MUC13: variants seen among roughly 807,000 people sequenced by gnomAD.
MUC13 encodes mucin-13.
In MUC13, 32 loss-of-function variants were observed where a neutral mutation model predicts 48.3. The ratio of observed to expected loss-of-function variants is 0.66; its 90% CI spans 0.50 to 0.89. The LOEUF (loss-of-function observed/expected upper bound fraction) is 0.89, where lower values mean the gene tolerates loss of function less well. MUC13 is among the 40% of genes least tolerant of loss of function. The pLI is 0.00. For missense variants in MUC13, 571 were observed against 622.8 expected, an observed-to-expected ratio of 0.92 and a Z score of 0.88; for synonymous variants, 199 against 224.9, an observed-to-expected ratio of 0.88 and a Z score of 1.03.
intron 1 of MUC13, among the ~76,000 whole-genome samples, chr3:124,934,435 C>T (rs11706677): frequency 0.18 from 26,942 of 152,204 alleles, 2,467 homozygotes; most frequent in Middle Eastern, 0.26. Flanking sequence ...GCTGAGATTA[C>T]AGGCGTGAGC....
intron 4 of MUC13, 139 bp downstream of exon 4, chr3:124,922,058 C>A (rs1005053081): frequency 2.0e-6 from 2 of 982,978 alleles, no homozygotes; most frequent in African/African-American, 1.7e-5. Context: ...TGTTTACCGA[C>A]CAGTAAAGGT....
chr3:124,922,333 A>G (rs754749872), intron 3 of MUC13, 30 bp from the exon 4 acceptor site: 94 of 1,602,204 alleles, frequency 5.9e-5, no homozygotes, highest in Non-Finnish European at 7.5e-5. Context: ...TTTCTGTACT[A>G]TTTGATGAAA....
At chr3:124,911,465 G>T (rs1176497980) in intron 9 of MUC13, among the ~76,000 whole-genome samples, 1 of 152,208 alleles carries the variant, frequency 6.6e-6, no homozygotes, top group Non-Finnish European at 1.5e-5. Context: ...CAGTAGAAAT[G>T]GAGAATGTCA....
At chr3:124,916,510 G>A (rs1305830516) in intron 5 of MUC13, 30 bp from the exon 6 acceptor site, 2 of 1,578,948 alleles carry the variant, frequency 1.3e-6, no homozygotes, top group East Asian at 2.3e-5. Flanking sequence ...GTCACTTAAT[G>A]AATTGAACTG....
At chr3:124,913,733 G>T (rs770769504) in intron 6 of MUC13, 52 bp from the exon 7 acceptor site, 1 of 1,607,480 alleles carries the variant, frequency 6.2e-7, no homozygotes, top group South Asian at 1.1e-5. Flanking sequence ...ATATGGATAA[G>T]GTAATTTGTG....
At chr3:124,931,500 C>G (rs1262707330) in intron 1 of MUC13, among the ~76,000 whole-genome samples, 1 of 143,080 alleles carries the variant, frequency 7.0e-6, no homozygotes, top group Non-Finnish European at 1.5e-5. Flanking sequence ...GTAATCCCAG[C>G]AGTTTGGGAG....
Position 124,927,835 on chromosome 3 carries a change from G to C in MUC13, c.211C>G (p.Pro71Ala), listed in dbSNP as rs150770714. 1,487 of 1,613,974 alleles carry C rather than the reference G, an allele frequency of 9.2e-4. 13 individuals are homozygous for C. The highest frequency in any genetic ancestry group is 2.2e-4 in the East Asian group (10 of 44,878). The part of the protein sequence containing the change: ...PSFPTATSPA[P>A]PIISTHSSST... ...GAACTATGTGTACTAATTATGGGGGGAGCAGGTGAAGTAGCTGTTGGGAAA... is the reference window on the plus strand; with the variant it reads ...GAACTATGTGTACTAATTATGGGGGCAGCAGGTGAAGTAGCTGTTGGGAAA... The change falls in exon 2 of 12, where the codon CCC (proline) becomes GCC (alanine). Residue 71 changes from proline to alanine, a missense_variant. By Grantham distance (27) the Pro-to-Ala change is conservative (BLOSUM62 -1). Transcript: ENST00000616727.
rs779457347 is a variant in MUC13 at position 124,927,728 on chromosome 3, ACTGT to A, written c.314_317del (p.Asp105ValfsTer7). 6 of 1,614,090 alleles carry A rather than the reference ACTGT, an allele frequency of 3.7e-6. No individual in the cohort carries two copies. The African/African-American group carries it at 5.3e-5, about 14-fold the overall frequency. On this transcript the variant is annotated frameshift_variant, in exon 2 of 12. Transcript: ENST00000616727. LOFTEE classifies it high-confidence loss of function. Reference sequence around the variant, plus strand: ...ATGAATTTACATTTGTGGTTGACTCACTGTCTGCAGCAGTAGGTATAGGAATTGT... The same window carrying A: ...ATGAATTTACATTTGTGGTTGACTCACTGCAGCAGTAGGTATAGGAATTGT...
chr3:124,928,189 T>C (rs1487243222), intron 1 of MUC13, among the ~76,000 whole-genome samples, 196 bp from the exon 2 acceptor site: 4 of 151,688 alleles, frequency 2.6e-5, no homozygotes, highest in African/African-American at 9.7e-5. Context: ...GTGCTGAGAT[T>C]ATAGGTATGA....
At chr3:124,933,907 T>C (rs1013133679) in intron 1 of MUC13, among the ~76,000 whole-genome samples, 2 of 152,234 alleles carry the variant, frequency 1.3e-5, no homozygotes, top group Non-Finnish European at 2.9e-5. Context: ...GAACCCTTCC[T>C]AACTCAGAAC....
At chr3:124,932,545 G>A (rs1439344575) in intron 1 of MUC13, among the ~76,000 whole-genome samples, 3 of 150,322 alleles carry the variant, frequency 2.0e-5, no homozygotes, top group Non-Finnish European at 3.0e-5. Flanking sequence ...CAGCCTGGGC[G>A]ACAAGAGTGA....
intron 5 of MUC13, 53 bp downstream of exon 5, chr3:124,920,181 C>T (rs1266817245): frequency 2.7e-5 from 40 of 1,486,398 alleles, no homozygotes; most frequent in Middle Eastern, 1.7e-4. Context: ...AAGAGAAGCT[C>T]GGAAGTTAGA....
chr3:124,914,933 A>C (rs889262904), intron 6 of MUC13, among the ~76,000 whole-genome samples: 4 of 152,154 alleles, frequency 2.6e-5, no homozygotes, highest in African/African-American at 7.2e-5. Flanking sequence ...CAAACAAATG[A>C]ACAAACAAAA....
At chr3:124,923,091 T>C (rs1169553351) in intron 3 of MUC13, among the ~76,000 whole-genome samples, 1 of 92,486 alleles carries the variant, frequency 1.1e-5, no homozygotes, top group African/African-American at 4.0e-5. Flanking sequence ...ATATTTCTCA[T>C]TCATAAAACA....
intron 6 of MUC13, among the ~76,000 whole-genome samples, chr3:124,915,694 T>C (rs1935500892): frequency 6.6e-6 from 1 of 152,042 alleles, no homozygotes; most frequent in Admixed American, 6.5e-5. Context: ...AAGGGGAAAA[T>C]AGTACGGGTA....
At chr3:124,914,797 A>C (rs1213111204) in intron 6 of MUC13, among the ~76,000 whole-genome samples, 1 of 151,698 alleles carries the variant, frequency 6.6e-6, no homozygotes, top group Admixed American at 6.6e-5. Context: ...GTGGTGGCAC[A>C]TGCCTATAAT....
chr3:124,934,528 G>T (rs1935850897), intron 1 of MUC13, 133 bp downstream of exon 1: 2 of 652,130 alleles, frequency 3.1e-6, no homozygotes, highest in Non-Finnish European at 5.6e-6. Context: ...TTTGAGCTGA[G>T]CTGGAGAGGA....
At chr3:124,924,885 C>T (rs1273264112) in intron 2 of MUC13, among the ~76,000 whole-genome samples, 1 of 152,086 alleles carries the variant, frequency 6.6e-6, no homozygotes, top group African/African-American at 2.4e-5. Flanking sequence ...GGTGGGAATG[C>T]AAAATGACAC....
At chr3:124,926,302 G>T (rs1348440208) in intron 2 of MUC13, among the ~76,000 whole-genome samples, 1 of 152,212 alleles carries the variant, frequency 6.6e-6, no homozygotes, top group South Asian at 2.1e-4. Context: ...AGCCAAGAGA[G>T]AAATGACTTG....
Sources: allele counts gnomAD v4.1 joint callset (sites outside exome capture counted in the v4.1 genomes callset), GRCh38; gene constraint gnomAD v4.1.1; transcripts MANE v1.5; gene names NCBI Gene and HGNC (gene_info 2026-07-23, HGNC 2026-07-21).